IKBKG: variants seen among roughly 807,000 people sequenced by gnomAD.
IKBKG encodes NF-kappa-B essential modulator.
In IKBKG, 2 loss-of-function variants were observed where a neutral mutation model predicts 13.7. That is an observed-to-expected ratio of 0.15 (90% CI 0.06 to 0.46). The LOEUF (loss-of-function observed/expected upper bound fraction) is 0.46, where lower values mean the gene tolerates loss of function less well. Among genes scored for constraint, IKBKG ranks in the 20% least tolerant of loss-of-function variants. IKBKG has a pLI of 0.98. For missense variants in IKBKG, 53 were observed against 150.3 expected (o/e 0.35, Z 3.39); for synonymous variants, 22 against 64.4 (o/e 0.34, Z 3.15).
upstream of IKBKG, among the ~76,000 whole-genome samples, chrX:154,543,994 A>G (rs1428653078): frequency 9.2e-6 from 1 of 108,837 alleles, no homozygotes; most frequent in African/African-American, 3.4e-5. Flanking sequence ...CAGCCTCCTG[A>G]GTAGCTGGAC....
intron 1 of IKBKG, among the ~76,000 whole-genome samples, chrX:154,549,180 A>T (rs2070853133): frequency 9.2e-6 from 1 of 108,576 alleles, no homozygotes; most frequent in Non-Finnish European, 1.9e-5. Context: ...ATGGGGTTTC[A>T]TCATGTTGGC....
In IKBKG at chrX:154,552,171, G is replaced by A. The variant is rs148695964; in HGVS notation, c.169G>A (p.Glu57Lys). The A allele has an allele frequency of 1.4e-3, 1,621 of 1,188,730 alleles. 1 individual carries two copies. Among genetic ancestry groups the A allele is most frequent in the Admixed American group, 1.6e-3 (70 of 44,273 alleles). ...APETLQRCLEENQELRDAIRQ... is the reference protein window; with the variant it reads ...APETLQRCLEKNQELRDAIRQ... Reference sequence around the variant, plus strand: ...TGAGACCCTCCAGCGCTGCCTGGAGGAGAATCAAGAGCTCCGAGGTGAGGA... The same window carrying A: ...TGAGACCCTCCAGCGCTGCCTGGAGAAGAATCAAGAGCTCCGAGGTGAGGA... Residue 57 changes from glutamate to lysine, a missense_variant, in exon 2 of 10, where the codon GAG (glutamate) becomes AAG (lysine). By Grantham distance (56) the Glu-to-Lys change is moderately conservative (BLOSUM62 1). Coordinates refer to ENST00000594239, the MANE Select transcript of IKBKG (RefSeq NM_001099857.5).
At chrX:154,541,534 T>C (rs1557231907) in intron 1 of IKBKG, 2 of 112,032 alleles carry the variant, frequency 1.8e-5, no homozygotes, top group Non-Finnish European at 3.8e-5. Context: ...GATGCTCTAG[T>C]GGGACTTTCT....
At chrX:154,555,092 T>G (rs2071026699) in intron 2 of IKBKG, among the ~76,000 whole-genome samples, 1 of 111,670 alleles carries the variant, frequency 9.0e-6, no homozygotes. Flanking sequence ...TTTTCCCGTT[T>G]GTTTTCTGCT....
chrX:154,546,390 C>T (rs1569556415), upstream of IKBKG, among the ~76,000 whole-genome samples: 1 of 112,199 alleles, frequency 8.9e-6, no homozygotes, highest in Admixed American at 9.4e-5. Context: ...GTGTACATTA[C>T]AAAATTACTC....
rs782813189 is a variant in IKBKG, at chrX:154,552,163, G to A, written c.161G>A (p.Cys54Tyr). ...EQGAPETLQR[C>Y]LEENQELRDA... ...GGCGCTCCTGAGACCCTCCAGCGCT[G>A]CCTGGAGGAGAATCAAGAGCTCCGA... The change falls in exon 2 of 10, where the codon TGC (cysteine) becomes TAC (tyrosine). Residue 54 changes from cysteine (C) to tyrosine (Y), a missense_variant. This residue lies in a region of IKBKG where 47 missense variants were observed against 50.0 expected (regional missense o/e 0.94). Coordinates refer to ENST00000594239, the MANE Select transcript of IKBKG (RefSeq NM_001099857.5). 3 of 1,191,897 alleles carry A rather than the reference G, an allele frequency of 2.5e-6. No homozygotes were observed. Among genetic ancestry groups the A allele is most frequent in the Non-Finnish European group, 3.4e-6 (3 of 882,855 alleles).
chrX:154,553,620 C>T (rs1603418061), intron 2 of IKBKG, among the ~76,000 whole-genome samples: 1 of 112,779 alleles, frequency 8.9e-6, no homozygotes, highest in East Asian at 2.8e-4. Flanking sequence ...GGTCCCCCAC[C>T]TCAGTGCCAT....
At chrX:154,555,884 C>T (rs1221443058) in intron 2 of IKBKG, among the ~76,000 whole-genome samples, 1 of 112,815 alleles carries the variant, frequency 8.9e-6, no homozygotes, top group East Asian at 2.8e-4. Flanking sequence ...CTGGCCAACA[C>T]GTACTTTTAA....
chrX:154,551,244 G>A (rs1297032369), intron 1 of IKBKG, among the ~76,000 whole-genome samples: 6 of 110,095 alleles, frequency 5.4e-5, no homozygotes, highest in Admixed American at 9.7e-5. Context: ...CACTGCGCCC[G>A]GCCAGACATT....
chrX:154,541,735 T>C (rs1242515157), intron 1 of IKBKG, among the ~76,000 whole-genome samples: 12 of 112,206 alleles, frequency 1.1e-4, no homozygotes, highest in Admixed American at 3.8e-4. Context: ...CAAGGTGACT[T>C]AGTAGAAGCA....
At chrX:154,546,950 A>G (rs1383309286), upstream of IKBKG, 31 of 395,091 alleles carry the variant, frequency 7.8e-5, no homozygotes, top group Non-Finnish European at 1.1e-4. Flanking sequence ...GGCCTCGGCC[A>G]CCACCCCTCG....
chrX:154,542,230 T>C (rs1557232077), intron 1 of IKBKG: 2 of 957,505 alleles, frequency 2.1e-6, no homozygotes. Context: ...CACAGGCCCA[T>C]CATTGGGATG....
chrX:154,546,308 G>A (rs1311911708), upstream of IKBKG: 2 of 797,408 alleles, frequency 2.5e-6, no homozygotes, highest in East Asian at 6.5e-5. Context: ...TGGGCATTGG[G>A]GAGTGGTTGA....
rs1314795241 is a variant in IKBKG, at chrX:154,547,658, CTG to C, written c.-102_-101del. ...GTGGTAGGGAAGGGCGACCGCGAAA[CTG>C]GGACTTTCTCGGAGCGCCGGGGCCC... On this transcript the variant is annotated 5_prime_UTR_variant, in exon 1 of 10. Coordinates refer to ENST00000594239, the MANE Select transcript of IKBKG (RefSeq NM_001099857.5). 3.2e-5 allele frequency: 24 copies of C among 753,956 alleles called. No homozygotes were observed. Among genetic ancestry groups the C allele is most frequent in the Non-Finnish European group, 3.4e-5 (22 of 639,245 alleles). 62.1% of individuals were successfully genotyped at this position (753,956 alleles called of 1,213,427 possible). A position where few individuals can be genotyped will look rare whatever the true frequency, so the allele number is the denominator to read the frequency against.
intron 1 of IKBKG, 86 bp downstream of exon 1, chrX:154,547,831 C>T (rs1268820652): frequency 1.3e-6 from 1 of 753,953 alleles, no homozygotes; most frequent in Non-Finnish European, 1.6e-6. Context: ...AGGCTCCCCC[C>T]TCTTTTTTGG....
intron 1 of IKBKG, chrX:154,541,396 G>A (rs2070500830): frequency 8.9e-6 from 1 of 111,879 alleles, no homozygotes; most frequent in Admixed American, 9.5e-5. Flanking sequence ...GGTGAGGTAA[G>A]ACGGACAGTA....
intron 1 of IKBKG, 55 bp from the exon 2 acceptor site, chrX:154,551,933 C>A: frequency 1.1e-6 from 1 of 916,494 alleles, no homozygotes; most frequent in South Asian, 4.2e-5. Context: ...TAGGCTTTTT[C>A]TGCTGGGTAA....
At chrX:154,546,886 G>A (rs1557233617), upstream of IKBKG, 6 of 1,016,462 alleles carry the variant, frequency 5.9e-6, no homozygotes, top group African/African-American at 8.0e-5. Flanking sequence ...CGGCGGGGGC[G>A]GGGGCGGGCG....
upstream of IKBKG, among the ~76,000 whole-genome samples, chrX:154,545,401 G>T (rs1339307979): frequency 8.9e-6 from 1 of 111,964 alleles, no homozygotes; most frequent in Admixed American, 9.5e-5. Flanking sequence ...GAACTCATTT[G>T]TTAAGGCATG....
Sources: allele counts gnomAD v4.1 joint callset (sites outside exome capture counted in the v4.1 genomes callset), GRCh38; gene constraint gnomAD v4.1.1; regional missense constraint gnomAD v4.1.1; transcripts MANE v1.5; gene names NCBI Gene and HGNC (gene_info 2026-07-23, HGNC 2026-07-21).